The following SV2C variants were observed in gnomAD, a reference collection of about 807,000 sequenced individuals.
SV2C encodes solute carrier family 22 member B3.
A neutral mutation model predicts 79.7 loss-of-function variants in SV2C; 49 were observed. That is an observed-to-expected ratio of 0.61 (90% CI 0.49 to 0.78). The LOEUF is 0.78. Among genes scored for constraint, SV2C ranks in the 30% least tolerant of loss-of-function variants. The pLI is 0.00. For synonymous variants in SV2C, 334 were observed against 333.2 expected, an observed-to-expected ratio of 1.00 and a Z score of -0.03; for missense variants, 833 against 912.9, an observed-to-expected ratio of 0.91 and a Z score of 1.13.
the SV2C span, among the ~76,000 whole-genome samples, chr5:75,867,663 A>C: frequency 6.6e-6 from 1 of 152,224 alleles, no homozygotes; most frequent in Non-Finnish European, 1.5e-5. Context: ...TGTTTCTTAC[A>C]TAAGAAGAAT....
At chr5:76,150,472 A>G (rs4566769) in intron 2 of SV2C, among the ~76,000 whole-genome samples, 62,676 of 151,840 alleles carry the variant, frequency 0.41, 13,519 homozygotes, top group Middle Eastern at 0.5. Flanking sequence ...CACGGCACCC[A>G]GCCTCTGTTT....
downstream of SV2C, among the ~76,000 whole-genome samples, chr5:76,336,208 C>A (rs1224389121): frequency 6.6e-6 from 1 of 152,038 alleles, no homozygotes; most frequent in Non-Finnish European, 1.5e-5. Flanking sequence ...CCTCACTTCC[C>A]AGACGGGGTG....
At chr5:76,343,865 A>G (rs1749488163) in intron 12 of SV2C, among the ~76,000 whole-genome samples, 1 of 152,184 alleles carries the variant, frequency 6.6e-6, no homozygotes, top group South Asian at 2.1e-4. Flanking sequence ...TACAAAAACT[A>G]TGAAAATTAA....
chr5:76,352,532 T>C (rs905775486), intron 12 of SV2C, among the ~76,000 whole-genome samples: 4 of 152,232 alleles, frequency 2.6e-5, no homozygotes, highest in African/African-American at 9.6e-5. Flanking sequence ...TCTTGGACTT[T>C]CTTGCTTTTC....
chr5:76,330,103 TTG>T lies in SV2C; in HGVS notation c.*4562_*4563del, dbSNP rs1749131600. ...AACCTGTTAGTATATTCTGGATGTA[TTG>T]TGTGTCCCTTCATTGTTTCAGGTAT... On this transcript the variant is annotated 3_prime_UTR_variant, in exon 13 of 13. Coordinates refer to ENST00000502798, the MANE Select transcript of SV2C (RefSeq NM_014979.4). 1 of 152,134 alleles carries T rather than the reference TTG, an allele frequency of 6.6e-6. No individual in the cohort carries two copies. Among genetic ancestry groups the T allele is most frequent in the African/African-American group, 2.4e-5 (1 of 41,424 alleles). The allele number at this position is 152,134 out of a possible 1,614,324, so 9.4% of individuals were successfully genotyped here.
intron 1 of SV2C, among the ~76,000 whole-genome samples, chr5:76,113,223 C>G (rs1285743906): frequency 6.6e-6 from 1 of 152,240 alleles, no homozygotes; most frequent in Non-Finnish European, 1.5e-5. Flanking sequence ...CGACCTCACT[C>G]CATAATATCA....
chr5:76,024,126 T>G, the SV2C span, among the ~76,000 whole-genome samples: 9 of 152,078 alleles, frequency 5.9e-5, no homozygotes, highest in Non-Finnish European at 1.3e-4. Context: ...TGCCATAATA[T>G]CCCCATATAT....
chr5:76,029,582 T>A, the SV2C span, among the ~76,000 whole-genome samples: 3,128 of 152,288 alleles, frequency 0.021, 45 homozygotes, highest in South Asian at 0.049. Flanking sequence ...ACTACAGTAC[T>A]AAATCAGACT....
the SV2C span, among the ~76,000 whole-genome samples, chr5:75,948,999 G>A: frequency 6.6e-6 from 1 of 151,894 alleles, no homozygotes; most frequent in East Asian, 2.0e-4. Flanking sequence ...GAGCCTGGTG[G>A]GAGGTGTTTT....
At chr5:76,100,796 A>G (rs1467414565) in intron 1 of SV2C, among the ~76,000 whole-genome samples, 1 of 152,204 alleles carries the variant, frequency 6.6e-6, no homozygotes. Context: ...CCTCAGCACT[A>G]CTGACATTTT....
the SV2C span, among the ~76,000 whole-genome samples, chr5:75,999,407 G>C: frequency 7.7e-6 from 1 of 130,220 alleles, no homozygotes; most frequent in Admixed American, 7.6e-5. Context: ...GAGAGAGAGA[G>C]AGAATGATTG....
intron 12 of SV2C, among the ~76,000 whole-genome samples, chr5:76,318,055 A>G (rs1748695480): frequency 6.6e-6 from 1 of 151,212 alleles, no homozygotes; most frequent in African/African-American, 2.4e-5. Context: ...AAGAGGCTGG[A>G]TGTGAGGACA....
At chr5:76,100,848 C>T (rs572562613) in intron 1 of SV2C, among the ~76,000 whole-genome samples, 6 of 152,280 alleles carry the variant, frequency 3.9e-5, no homozygotes, top group Non-Finnish European at 8.8e-5. Flanking sequence ...TCCTGTGCAT[C>T]GTAAGATGGC....
the SV2C span, chr5:75,911,220 T>C: frequency 2.5e-6 from 4 of 1,578,654 alleles, no homozygotes; most frequent in East Asian, 9.0e-5. Flanking sequence ...CCCAGCCCTC[T>C]CCTACCATTG....
the SV2C span, among the ~76,000 whole-genome samples, chr5:75,996,076 A>C: frequency 6.6e-6 from 1 of 152,134 alleles, no homozygotes; most frequent in African/African-American, 2.4e-5. Flanking sequence ...ACATTATCAA[A>C]GAAAGTCCCT....
At chr5:76,009,576 A>G in the SV2C span, among the ~76,000 whole-genome samples, 2,055 of 152,336 alleles carry the variant, frequency 0.013, 29 homozygotes, top group South Asian at 0.054. Flanking sequence ...AAAACTACAC[A>G]GCCATGAGAA....
the SV2C span, among the ~76,000 whole-genome samples, chr5:75,962,310 T>C: frequency 2.4e-4 from 36 of 152,230 alleles, no homozygotes; most frequent in African/African-American, 8.2e-4. Flanking sequence ...ACATGTGTTG[T>C]TCAGATGCAA....
the SV2C span, among the ~76,000 whole-genome samples, chr5:75,891,376 C>T: frequency 0.11 from 16,802 of 151,956 alleles, 990 homozygotes; most frequent in Middle Eastern, 0.16. Flanking sequence ...AGTAGTAGTG[C>T]AAAGAGATTT....
intron 12 of SV2C, among the ~76,000 whole-genome samples, chr5:76,322,666 A>G (rs1295985366): frequency 1.3e-5 from 2 of 152,238 alleles, no homozygotes; most frequent in Non-Finnish European, 2.9e-5. Flanking sequence ...CCAAAACAGC[A>G]TGGTACTGGT....
Sources: allele counts gnomAD v4.1 joint callset (sites outside exome capture counted in the v4.1 genomes callset), GRCh38; gene constraint gnomAD v4.1.1; transcripts MANE v1.5; gene names NCBI Gene and HGNC (gene_info 2026-07-23, HGNC 2026-07-21).